The following IRAK2 variants were observed in gnomAD, a reference collection of about 807,000 sequenced individuals.
The protein encoded by IRAK2 is interleukin-1 receptor-associated kinase-like 2.
A neutral mutation model predicts 72.0 loss-of-function variants in IRAK2; 57 were observed. The observed-to-expected ratio is 0.79, with a 90% confidence interval of 0.64 to 0.99. The LOEUF (loss-of-function observed/expected upper bound fraction) is 0.99. Among genes scored for constraint, IRAK2 ranks in the 50% least tolerant of loss-of-function variants. The probability of loss-of-function intolerance (pLI) is 0.00; values close to 1 mark genes in which losing one functional copy is unlikely to be tolerated. For missense variants in IRAK2, 790 were observed against 794.4 expected, an observed-to-expected ratio of 0.99 and a Z score of 0.07; for synonymous variants, 293 against 312.7, an observed-to-expected ratio of 0.94 and a Z score of 0.67.
chr3:10,221,104 T>A (rs538016959), intron 8 of IRAK2, among the ~76,000 whole-genome samples: 1 of 151,884 alleles, frequency 6.6e-6, no homozygotes. Flanking sequence ...AAAAAAGTTT[T>A]TTTTTTGGCC....
At position 10,219,683 on chromosome 3, in the gene IRAK2, G is replaced by T. The variant is rs1320170637; in HGVS notation, c.907G>T (p.Gly303Cys). The T allele has an allele frequency of 6.2e-7, 1 of 1,612,288 alleles. No homozygotes were observed. Among genetic ancestry groups the T allele is most frequent in the Non-Finnish European group, 8.5e-7 (1 of 1,178,558 alleles). ...SLQDRLQGQGGSDPLPWPQRV... is the reference protein window; with the variant it reads ...SLQDRLQGQGCSDPLPWPQRV... Reference sequence around the variant, plus strand: ...CTCCTGCTTTTCTTTCTCTTAGGGTGGCTCGGACCCCCTCCCCTGGCCCCA... The same window carrying T: ...CTCCTGCTTTTCTTTCTCTTAGGGTTGCTCGGACCCCCTCCCCTGGCCCCA... Residue 303 changes from glycine (G) to cysteine (C), a missense_variant, in exon 8 of 13, where the codon GGC becomes TGC. By Grantham distance (159) the Gly-to-Cys change is radical. Coordinates refer to ENST00000256458, the MANE Select transcript of IRAK2 (RefSeq NM_001570.4).
intron 11 of IRAK2, among the ~76,000 whole-genome samples, chr3:10,236,082 TATG>T (rs539255474): frequency 7.9e-5 from 12 of 152,210 alleles, no homozygotes; most frequent in African/African-American, 2.4e-4. Context: ...CAGGACAGTG[TATG>T]ATGAGGACCC....
Position 10,213,347 on chromosome 3 carries a change from C to T in IRAK2, c.669C>T (p.Asp223=), listed in dbSNP as rs943756413. The change falls in exon 5 of 13, where the codon GAC becomes GAT. Residue 223 remains aspartate (D), a synonymous_variant. Coordinates refer to ENST00000256458, the MANE Select transcript of IRAK2 (RefSeq NM_001570.4). ...AAATCAGCCAGGGGACCTTTGCTGA[C>T]GTCTACAGAGGGCACAGGCACGGGA... ...NRKISQGTFA[D]VYRGHRHGKP... is the part of the protein sequence containing the mutation. 1.1e-5 allele frequency: 17 copies of T among 1,613,916 alleles called. No individual in the cohort carries two copies. Among genetic ancestry groups the T allele is most frequent in the East Asian group, 2.2e-5 (1 of 44,886 alleles).
chr3:10,203,277 G>GT (rs1293603098), intron 3 of IRAK2, among the ~76,000 whole-genome samples: 1 of 151,930 alleles, frequency 6.6e-6, no homozygotes, highest in Non-Finnish European at 1.5e-5. Flanking sequence ...GATTACAGGC[G>GT]TGAGCCACTG....
chr3:10,165,059 C>A lies in IRAK2; in HGVS notation c.94+11C>A. ...ACTGGATGGAGTTCGGTGAGTGCGGCCCGGGGAGGGGAGGGGACCAGGGCG... is the reference window on the plus strand; with the variant it reads ...ACTGGATGGAGTTCGGTGAGTGCGGACCGGGGAGGGGAGGGGACCAGGGCG... On this transcript the variant is annotated intron_variant, in intron 1 of 12. Transcript: ENST00000256458. 1 of 1,605,700 alleles carries A rather than the reference C, an allele frequency of 6.2e-7. No homozygotes were observed. The highest frequency in any genetic ancestry group is 8.5e-7 in the Non-Finnish European group (1 of 1,176,546).
chr3:10,189,102 A>G (rs1697132361), intron 2 of IRAK2, among the ~76,000 whole-genome samples: 1 of 152,216 alleles, frequency 6.6e-6, no homozygotes, highest in South Asian at 2.1e-4. Flanking sequence ...GATGCATGTC[A>G]CCCACTGCAG....
chr3:10,173,898 C>G (rs1458122395), intron 1 of IRAK2, among the ~76,000 whole-genome samples: 1 of 152,162 alleles, frequency 6.6e-6, no homozygotes, highest in Non-Finnish European at 1.5e-5. Context: ...ATGGCACCGT[C>G]ATGGAACAAA....
chr3:10,224,891 TG>T (rs1289244031), intron 9 of IRAK2, among the ~76,000 whole-genome samples: 2 of 150,182 alleles, frequency 1.3e-5, no homozygotes, highest in Non-Finnish European at 3.0e-5. Context: ...ATTCCTCCTG[TG>T]GGGATCACAG....
In IRAK2 at chr3:10,213,361, A is replaced by G; in HGVS notation, c.683A>G (p.His228Arg). ...ACCTTTGCTGACGTCTACAGAGGGC[A>G]CAGGCACGGGAAGCCATTCGTCTTC... ...QGTFADVYRG[H>R]RHGKPFVFKK... The change falls in exon 5 of 13, where the codon CAC becomes CGC. Residue 228 changes from histidine to arginine, a missense_variant. Transcript: ENST00000256458. 3 of 1,614,156 alleles carry G rather than the reference A, an allele frequency of 1.9e-6. No individual in the cohort carries two copies. Among genetic ancestry groups the G allele is most frequent in the South Asian group, 1.1e-5 (1 of 91,082 alleles).
chr3:10,223,167 T>C (rs1291519381), intron 9 of IRAK2, among the ~76,000 whole-genome samples: 1 of 152,182 alleles, frequency 6.6e-6, no homozygotes, highest in Non-Finnish European at 1.5e-5. Flanking sequence ...CTCATGAGTG[T>C]CCAGGTTCTA....
chr3:10,235,167 A>T (rs1461798561), intron 11 of IRAK2, among the ~76,000 whole-genome samples: 1 of 152,110 alleles, frequency 6.6e-6, no homozygotes, highest in Non-Finnish European at 1.5e-5. Flanking sequence ...CCAGGTCCCA[A>T]AGAAAGGGAG....
chr3:10,243,241 G>C lies in IRAK2; in HGVS notation c.*1013G>C, dbSNP rs1162227420. ...GTAGAGACAGGGTTTCACCATATTGGCCAGGCTGGTCTCGAACTACTGACC... is the reference window on the plus strand; with the variant it reads ...GTAGAGACAGGGTTTCACCATATTGCCCAGGCTGGTCTCGAACTACTGACC... On this transcript the variant is annotated 3_prime_UTR_variant, in exon 13 of 13. Coordinates refer to ENST00000256458, the MANE Select transcript of IRAK2 (RefSeq NM_001570.4). 1.3e-5 allele frequency: 2 copies of C among 152,382 alleles called. No individual in the cohort carries two copies. Among genetic ancestry groups the C allele is most frequent in the African/African-American group, 2.4e-5 (1 of 41,434 alleles). The allele number at this position is 152,382 out of a possible 1,614,324, so 9.4% of individuals were successfully genotyped here. A position where few individuals can be genotyped will look rare whatever the true frequency, so the allele number is the denominator to read the frequency against.
In IRAK2 at chr3:10,212,284, A is replaced by G. The variant is rs565741304; in HGVS notation, c.529-923A>G. On this transcript the variant is annotated intron_variant, in intron 4 of 12. Coordinates refer to ENST00000256458, the MANE Select transcript of IRAK2 (RefSeq NM_001570.4). Reference sequence around the variant, plus strand: ...ACAAATTTGTAAAGTTTCTTAAAACATTATGAGTTTTTTTTGCAATTTTTT... The same window carrying G: ...ACAAATTTGTAAAGTTTCTTAAAACGTTATGAGTTTTTTTTGCAATTTTTT... Among the ~76,000 whole-genome samples, 8 of 152,230 alleles carry G rather than the reference A, an allele frequency of 5.3e-5. No homozygotes were observed. The East Asian group carries it at 1.5e-3, about 29-fold the overall frequency.
At chr3:10,227,949 T>C (rs1433831513) in intron 10 of IRAK2, among the ~76,000 whole-genome samples, 1 of 151,972 alleles carries the variant, frequency 6.6e-6, no homozygotes, top group East Asian at 1.9e-4. Context: ...GATTACAGGA[T>C]CTTGAGTTCT....
chr3:10,237,770 C>T (rs1455610691), intron 11 of IRAK2, among the ~76,000 whole-genome samples: 6 of 138,166 alleles, frequency 4.3e-5, no homozygotes, highest in Admixed American at 7.6e-5. Flanking sequence ...TACGCCCCTG[C>T]AGTCCGGCCT....
intron 2 of IRAK2, among the ~76,000 whole-genome samples, chr3:10,184,298 C>G (rs1026514610): frequency 2.6e-5 from 4 of 152,156 alleles, no homozygotes; most frequent in Admixed American, 1.3e-4. Context: ...TTCTAGTACT[C>G]TAGAAAAGGA....
intron 1 of IRAK2, among the ~76,000 whole-genome samples, chr3:10,174,682 G>A (rs1226316321): frequency 6.6e-6 from 1 of 151,802 alleles, no homozygotes; most frequent in African/African-American, 2.4e-5. Flanking sequence ...GCACCACCAC[G>A]CTTGGCTAAT....
In IRAK2 at chr3:10,230,290, C is replaced by T. The variant is rs561071832; in HGVS notation, c.1272+3857C>T. Among the ~76,000 whole-genome samples, 83 of 151,908 alleles carry T rather than the reference C, an allele frequency of 5.5e-4. 1 individual carries two copies. The highest frequency in any genetic ancestry group is 1.6e-3 in the Admixed American group (24 of 15,236). ...TGAGGATAATAGTAGTACCCCCCCC[C>T]ACCGACAAGGTATGTTTGTTTGTTA... On this transcript the variant is annotated intron_variant, in intron 10 of 12. Coordinates refer to ENST00000256458, the MANE Select transcript of IRAK2 (RefSeq NM_001570.4).
rs551565103 is a variant in IRAK2 at position 10,169,127 on chromosome 3, G to A, written c.94+4079G>A. On this transcript the variant is annotated intron_variant, in intron 1 of 12. Coordinates refer to ENST00000256458, the MANE Select transcript of IRAK2 (RefSeq NM_001570.4). ...CGAGTTTTTATTAGGGATTTCAAAAGGGGAGGGGTGTACGAATAGGGAGTA... is the reference window on the plus strand; with the variant it reads ...CGAGTTTTTATTAGGGATTTCAAAAAGGGAGGGGTGTACGAATAGGGAGTA... 3.4e-4 allele frequency among the ~76,000 whole-genome samples: 52 copies of A among 152,250 alleles called. 1 individual carries two copies. The highest frequency in any genetic ancestry group is 7.2e-4 in the Non-Finnish European group (49 of 68,014).
Sources: allele counts gnomAD v4.1 joint callset (sites outside exome capture counted in the v4.1 genomes callset), GRCh38; gene constraint gnomAD v4.1.1; transcripts MANE v1.5; gene names NCBI Gene and HGNC (gene_info 2026-07-23, HGNC 2026-07-21).